The following KIRREL3 variants were observed in gnomAD, a reference collection of about 807,000 sequenced individuals.
KIRREL3 encodes kirre like nephrin family adhesion molecule 3.
A neutral mutation model predicts 89.7 loss-of-function variants in KIRREL3; 36 were observed. The ratio of observed to expected loss-of-function variants is 0.40; its 90% CI spans 0.31 to 0.53. The LOEUF is 0.53. Ranked by LOEUF, KIRREL3 falls within the 20% of genes least tolerant of loss-of-function variation. KIRREL3 has a pLI of 0.49. For missense variants in KIRREL3, 864 were observed against 1,056.6 expected (o/e 0.82, Z 2.53); for synonymous variants, 445 against 441.4 (o/e 1.01, Z -0.10).
intron 1 of KIRREL3, among the ~76,000 whole-genome samples, chr11:126,646,466 C>T (rs1236717638): frequency 6.9e-6 from 1 of 145,304 alleles, no homozygotes; most frequent in East Asian, 2.1e-4. Flanking sequence ...AAATTTGTGC[C>T]CCAAGTATTT....
rs551848448 is a variant in KIRREL3 at position 126,721,401 on chromosome 11, A to G, written c.56-158489T>C. 1.3e-4 allele frequency among the ~76,000 whole-genome samples: 20 copies of G among 152,116 alleles called. No individual in the cohort carries two copies. The South Asian group carries it at 4.2e-3, about 32-fold the overall frequency. On this transcript the variant is annotated intron_variant, in intron 1 of 16. Coordinates refer to ENST00000525144, the MANE Select transcript of KIRREL3 (RefSeq NM_032531.4). ...CAAAATTAGCTGGGTATAGTGGTGC[A>G]TGCCTATAATCCTAGCTACTCGGGA...
In KIRREL3 at chr11:126,563,945, T is replaced by TGAAGTGAGAATTAGTTAATTG. The variant is rs1940323118; in HGVS notation, c.56-1034_56-1033insCAATTAACTAATTCTCACTTC. ...CATTATGCAGATGGGAAAATTGAGG[T>TGAAGTGAGAATTAGTTAATTG]TCAACCATGTTAAATGACTTCCCAC... On this transcript the variant is annotated intron_variant, in intron 1 of 16. Coordinates refer to ENST00000525144, the MANE Select transcript of KIRREL3 (RefSeq NM_032531.4). This position sits in a 1 kb window ranked among gnomAD's most constrained non-coding sequence, Gnocchi z 6.8. 6.6e-6 allele frequency among the ~76,000 whole-genome samples: 1 copy of TGAAGTGAGAATTAGTTAATTG among 152,232 alleles called. No individual in the cohort carries two copies. The highest frequency in any genetic ancestry group is 6.5e-5 in the Admixed American group (1 of 15,288).
chr11:126,968,530 A>G (rs1437304234), intron 1 of KIRREL3, among the ~76,000 whole-genome samples: 2 of 152,172 alleles, frequency 1.3e-5, no homozygotes, highest in African/African-American at 2.4e-5. Flanking sequence ...GCTGCCATCA[A>G]AGGCTCACCA....
chr11:126,479,218 T>G (rs76482588), intron 4 of KIRREL3, among the ~76,000 whole-genome samples: 11,828 of 152,078 alleles, frequency 0.078, 1,550 homozygotes, highest in African/African-American at 0.27. Flanking sequence ...TGCCGAAGCC[T>G]CGGGGTGCAT....
chr11:126,839,646 C>T (rs1373677302), intron 1 of KIRREL3, among the ~76,000 whole-genome samples: 2 of 152,140 alleles, frequency 1.3e-5, no homozygotes, highest in East Asian at 3.9e-4. Context: ...CAGCATATTA[C>T]AGGCAAACAA....
intron 4 of KIRREL3, among the ~76,000 whole-genome samples, chr11:126,482,008 G>T (rs1400854452): frequency 6.6e-6 from 1 of 152,092 alleles, no homozygotes. Context: ...GGAGTAAATC[G>T]CTTTTCCCCA....
In KIRREL3 at chr11:126,523,712, C is replaced by T. The variant is rs1334107787; in HGVS notation, c.284-2248G>A. 6.6e-6 allele frequency among the ~76,000 whole-genome samples: 1 copy of T among 152,158 alleles called. No homozygotes were observed. Among genetic ancestry groups the T allele is most frequent in the East Asian group, 1.9e-4 (1 of 5,190 alleles). On this transcript the variant is annotated intron_variant, in intron 3 of 16. Coordinates refer to ENST00000525144, the MANE Select transcript of KIRREL3 (RefSeq NM_032531.4). The surrounding 1 kb of genome is among the most constrained non-coding windows in gnomAD (Gnocchi z 4.9). ...AAATGGGTTCTAGCCCAATCCTCTC[C>T]CTGCTGCCGCTGCCTTCCTTGTAGC...
At chr11:126,919,636 C>T (rs1057411775) in intron 1 of KIRREL3, among the ~76,000 whole-genome samples, 2 of 152,222 alleles carry the variant, frequency 1.3e-5, no homozygotes, top group African/African-American at 2.4e-5. Context: ...ACATGCTTCA[C>T]TTTGGTGACA....
Position 126,978,919 on chromosome 11 carries a change from A to C in KIRREL3, c.55+21536T>G, listed in dbSNP as rs1418513262. Among the ~76,000 whole-genome samples the C allele has an allele frequency of 6.6e-6, 1 of 152,196 alleles. No homozygotes were observed. Among genetic ancestry groups the C allele is most frequent in the Non-Finnish European group, 1.5e-5 (1 of 68,022 alleles). On this transcript the variant is annotated intron_variant, in intron 1 of 16. Transcript: ENST00000525144. This position sits in a 1 kb window ranked among gnomAD's most constrained non-coding sequence, Gnocchi z 4.2. ...ATTGAGGTACACCTGCCTTTCTGAA[A>C]GTTTGGCAGGTTTCCCAGTGTGTAC...
rs572683175 is a variant in KIRREL3, at chr11:126,887,433, C to T, written c.55+113022G>A. The stretch of plus-strand genomic sequence containing the variant: ...CGTGCTTTCCAAGGAGAATTCTCCC[C>T]GCTGCCCAAATTTAGCTTCTGTGCT... On this transcript the variant is annotated intron_variant, in intron 1 of 16. Transcript: ENST00000525144. Among the ~76,000 whole-genome samples, 13 of 152,206 alleles carry T rather than the reference C, an allele frequency of 8.5e-5. 1 individual carries two copies. In the East Asian group the frequency reaches 1.4e-3, roughly 16 times the overall value.
rs139725131 is a variant in KIRREL3, at chr11:126,847,081, A to C, written c.55+153374T>G. ...ATGGTCAGGCATTACAATTGGATAG[A>C]TTTATCTATAAGCTTTTATTAAGAA... On this transcript the variant is annotated intron_variant, in intron 1 of 16. Coordinates refer to ENST00000525144, the MANE Select transcript of KIRREL3 (RefSeq NM_032531.4). Among the ~76,000 whole-genome samples, 586 of 152,282 alleles carry C rather than the reference A, an allele frequency of 3.8e-3. 2 individuals are homozygous for C. Among genetic ancestry groups the C allele is most frequent in the African/African-American group, 0.014 (563 of 41,576 alleles).
Position 126,891,729 on chromosome 11 carries a change from C to T in KIRREL3, c.55+108726G>A, listed in dbSNP as rs1945930669. On this transcript the variant is annotated intron_variant, in intron 1 of 16. Transcript: ENST00000525144. The surrounding 1 kb of genome is among the most constrained non-coding windows in gnomAD (Gnocchi z 5.1). ...GACCGGCTGACTCAAAGGAAGTTGG[C>T]TGGCAGGTTCTGCGATCCCTGGAGA... Among the ~76,000 whole-genome samples, 2 of 152,172 alleles carry T rather than the reference C, an allele frequency of 1.3e-5. No individual in the cohort carries two copies. Among genetic ancestry groups the T allele is most frequent in the Non-Finnish European group, 2.9e-5 (2 of 68,022 alleles).
In KIRREL3 at chr11:126,782,403, T is replaced by C. The variant is rs887526792; in HGVS notation, c.55+218052A>G. ...AACTAACTGATAGCAGTTCCCTTTGTGAGACTAGGTTTGGGTATTAGAGAA... is the reference window on the plus strand; with the variant it reads ...AACTAACTGATAGCAGTTCCCTTTGCGAGACTAGGTTTGGGTATTAGAGAA... On this transcript the variant is annotated intron_variant, in intron 1 of 16. Transcript: ENST00000525144. The surrounding 1 kb of genome is among the most constrained non-coding windows in gnomAD (Gnocchi z 4.1). Among the ~76,000 whole-genome samples, 3 of 152,210 alleles carry C rather than the reference T, an allele frequency of 2.0e-5. No homozygotes were observed. Among genetic ancestry groups the C allele is most frequent in the Admixed American group, 1.3e-4 (2 of 15,284 alleles).
rs1949600325 is a variant in KIRREL3, at chr11:126,977,110, T to C, written c.55+23345A>G. Reference sequence around the variant, plus strand: ...CTAAAAAAATCTCTCTTTTCCTTTTTTCTTTTTCTGCAGGCTTCAGCTCCT... The same window carrying C: ...CTAAAAAAATCTCTCTTTTCCTTTTCTCTTTTTCTGCAGGCTTCAGCTCCT... On this transcript the variant is annotated intron_variant, in intron 1 of 16. Coordinates refer to ENST00000525144, the MANE Select transcript of KIRREL3 (RefSeq NM_032531.4). The surrounding 1 kb of genome is among the most constrained non-coding windows in gnomAD (Gnocchi z 4.7). Among the ~76,000 whole-genome samples the C allele has an allele frequency of 6.6e-6, 1 of 152,232 alleles. No individual in the cohort carries two copies. Among genetic ancestry groups the C allele is most frequent in the Non-Finnish European group, 1.5e-5 (1 of 68,040 alleles).
chr11:126,772,296 G>T lies in KIRREL3; in HGVS notation c.56-209384C>A, dbSNP rs1950042610. Among the ~76,000 whole-genome samples the T allele has an allele frequency of 6.6e-6, 1 of 152,192 alleles. No individual in the cohort carries two copies. Among genetic ancestry groups the T allele is most frequent in the African/African-American group, 2.4e-5 (1 of 41,452 alleles). Reference sequence around the variant, plus strand: ...GTCAATATTTTTTGGGTCAATGTTTGTAAGACCAGACTCTTAAATTCAAGG... The same window carrying T: ...GTCAATATTTTTTGGGTCAATGTTTTTAAGACCAGACTCTTAAATTCAAGG... On this transcript the variant is annotated intron_variant, in intron 1 of 16. Coordinates refer to ENST00000525144, the MANE Select transcript of KIRREL3 (RefSeq NM_032531.4). The surrounding 1 kb of genome is among the most constrained non-coding windows in gnomAD (Gnocchi z 4.6).
intron 1 of KIRREL3, among the ~76,000 whole-genome samples, chr11:126,986,531 A>G (rs1460293535): frequency 6.6e-6 from 1 of 152,054 alleles, no homozygotes. Flanking sequence ...ATCTATGGCT[A>G]CTCTTAGAGA....
chr11:126,580,013 T>G (rs1941461397), intron 1 of KIRREL3, among the ~76,000 whole-genome samples: 1 of 151,960 alleles, frequency 6.6e-6, no homozygotes, highest in Non-Finnish European at 1.5e-5. Flanking sequence ...GCCAAGCTAA[T>G]TTTTTGTATT....
At chr11:126,465,432 T>C (rs1381885224) in intron 5 of KIRREL3, among the ~76,000 whole-genome samples, 1 of 152,030 alleles carries the variant, frequency 6.6e-6, no homozygotes, top group Non-Finnish European at 1.5e-5. Flanking sequence ...TGCTGGACGG[T>C]GGGTACCGTG....
chr11:126,835,113 A>C (rs373655468), intron 1 of KIRREL3, among the ~76,000 whole-genome samples: 1 of 152,312 alleles, frequency 6.6e-6, no homozygotes, highest in African/African-American at 2.4e-5. Context: ...AGTGAGTTGA[A>C]TTCTCCTGAA....
Sources: allele counts gnomAD v4.1 joint callset (sites outside exome capture counted in the v4.1 genomes callset), GRCh38; gene constraint gnomAD v4.1.1; non-coding constraint Gnocchi (gnomAD v3.1); transcripts MANE v1.5; gene names NCBI Gene and HGNC (gene_info 2026-07-23, HGNC 2026-07-21).